KIF26B: variants seen among roughly 807,000 people sequenced by gnomAD.
KIF26B encodes the protein kinesin-like protein KIF26B.
KIF26B carries 63 observed loss-of-function variants against 151.2 expected under a neutral mutation model. That is an observed-to-expected ratio of 0.42 (90% CI 0.34 to 0.51). The LOEUF (loss-of-function observed/expected upper bound fraction) is 0.51, where lower values mean the gene tolerates loss of function less well. Among genes scored for constraint, KIF26B ranks in the 20% least tolerant of loss-of-function variants. KIF26B has a pLI of 0.07. For missense variants in KIF26B, 2,813 were observed against 2,913.6 expected (o/e 0.97, Z 0.79); for synonymous variants, 1,357 against 1,262.1 (o/e 1.08, Z -1.59).
At chr1:245,621,714 C>G (rs368277158) in intron 9 of KIF26B, among the ~76,000 whole-genome samples, 1 of 152,186 alleles carries the variant, frequency 6.6e-6, no homozygotes, top group African/African-American at 2.4e-5. Flanking sequence ...CCCCAGCCGC[C>G]GGAAGTGATG....
At chr1:245,543,269 G>C (rs1475357748) in intron 5 of KIF26B, among the ~76,000 whole-genome samples, 1 of 152,136 alleles carries the variant, frequency 6.6e-6, no homozygotes. Flanking sequence ...CACAAAAATA[G>C]TTTAGAGGGC....
intron 2 of KIF26B, among the ~76,000 whole-genome samples, chr1:245,205,511 A>AGAT (rs1375747507): frequency 1.3e-5 from 2 of 152,156 alleles, no homozygotes; most frequent in African/African-American, 4.8e-5. Context: ...ACCATAAGAA[A>AGAT]GATGTGGTTG....
intron 5 of KIF26B, among the ~76,000 whole-genome samples, chr1:245,562,742 C>T (rs757800095): frequency 6.6e-6 from 1 of 152,150 alleles, no homozygotes; most frequent in African/African-American, 2.4e-5. Flanking sequence ...TCTCATTGCT[C>T]TGTCACCCAG....
chr1:245,544,060 G>A, intron 5 of KIF26B, among the ~76,000 whole-genome samples: 1 of 152,086 alleles, frequency 6.6e-6, no homozygotes, highest in East Asian at 1.9e-4. Context: ...CCTACCATAT[G>A]GTGCCAAACT....
chr1:245,495,825 G>GA lies in KIF26B; in HGVS notation c.1167-44935dup, dbSNP rs1660502747. On this transcript the variant is annotated intron_variant, in intron 4 of 14. Coordinates refer to ENST00000407071, the MANE Select transcript of KIF26B (RefSeq NM_018012.4). This position sits in a 1 kb window ranked among gnomAD's most constrained non-coding sequence, Gnocchi z 4.2. ...AGGAGAAAAATGATTAAAGCCGTGA[G>GA]AAAAAAATTCATTATTTTTAAAGGA... Among the ~76,000 whole-genome samples, 2 of 152,040 alleles carry GA rather than the reference G, an allele frequency of 1.3e-5. No individual in the cohort carries two copies. The highest frequency in any genetic ancestry group is 2.9e-5 in the Non-Finnish European group (2 of 67,994).
rs1171070444 is a variant in KIF26B at position 245,687,164 on chromosome 1, A to G, written c.4181A>G (p.Tyr1394Cys). The change falls in exon 12 of 15, where the codon TAC becomes TGC. Residue 1394 changes from tyrosine (Y) to cysteine (C), a missense_variant. By Grantham distance (194) the Tyr-to-Cys change is radical. Around this residue, in one of 3 missense-constraint regions of KIF26B, gnomAD observed 2,060 missense variants for 2,088.6 expected, o/e 0.99. Coordinates refer to ENST00000407071, the MANE Select transcript of KIF26B (RefSeq NM_018012.4). This position sits in a 1 kb window ranked among gnomAD's most constrained non-coding sequence, Gnocchi z 4.9. ...CCCATGAAGACCAATATCACAGTTTACCCCTGCATTGCCATGAGCCCCCGG... is the reference window on the plus strand; with the variant it reads ...CCCATGAAGACCAATATCACAGTTTGCCCCTGCATTGCCATGAGCCCCCGG... ...YIPMKTNITV[Y>C]PCIAMSPRNI... is the part of the protein sequence containing the mutation. 6.2e-7 allele frequency: 1 copy of G among 1,612,774 alleles called. No individual in the cohort carries two copies. Among genetic ancestry groups the G allele is most frequent in the Admixed American group, 1.7e-5 (1 of 59,946 alleles).
Position 245,398,099 on chromosome 1 carries a change from C to T in KIF26B, c.1000-21480C>T, listed in dbSNP as rs191455832. 2.7e-3 allele frequency among the ~76,000 whole-genome samples: 411 copies of T among 152,262 alleles called. 4 individuals carry two copies. Among genetic ancestry groups the T allele is most frequent in the African/African-American group, 8.7e-3 (360 of 41,556 alleles). On this transcript the variant is annotated intron_variant, in intron 3 of 14. Transcript: ENST00000407071. The stretch of plus-strand genomic sequence containing the variant: ...TGAATACCCTGAAAAATACTACTCC[C>T]TCGGGAGAGAAGGTGGATTTGTTGA...
In KIF26B at chr1:245,361,350, A is replaced by G. The variant is rs143894643; in HGVS notation, c.466-5484A>G. Among the ~76,000 whole-genome samples the G allele has an allele frequency of 1.9e-3, 293 of 152,366 alleles. 2 individuals carry two copies. Among genetic ancestry groups the G allele is most frequent in the African/African-American group, 6.5e-3 (272 of 41,592 alleles). On this transcript the variant is annotated intron_variant, in intron 2 of 14. Coordinates refer to ENST00000407071, the MANE Select transcript of KIF26B (RefSeq NM_018012.4). ...CCCAGGGTAATTTGGTTTCTTATGT[A>G]GAAAAACTGCGGTCTGACATTTAAC...
At chr1:245,496,698 G>A (rs532388099) in intron 4 of KIF26B, among the ~76,000 whole-genome samples, 3 of 152,232 alleles carry the variant, frequency 2.0e-5, no homozygotes, top group Admixed American at 6.5e-5. Flanking sequence ...AAGTATATCC[G>A]TAATTGAGTT....
chr1:245,453,275 A>C (rs1359395157), intron 4 of KIF26B, among the ~76,000 whole-genome samples: 1 of 152,206 alleles, frequency 6.6e-6, no homozygotes, highest in Non-Finnish European at 1.5e-5. Flanking sequence ...TTCAAGCAGC[A>C]TTATTAAGAG....
At chr1:245,604,173 TG>T (rs1439711567) in intron 6 of KIF26B, among the ~76,000 whole-genome samples, 1 of 152,218 alleles carries the variant, frequency 6.6e-6, no homozygotes, top group Non-Finnish European at 1.5e-5. Flanking sequence ...TGCATCTTTC[TG>T]GTAAGTTTCT....
In KIF26B at chr1:245,239,011, A is replaced by G. The variant is rs1193213696; in HGVS notation, c.465+82328A>G. On this transcript the variant is annotated intron_variant, in intron 2 of 14. Coordinates refer to ENST00000407071, the MANE Select transcript of KIF26B (RefSeq NM_018012.4). This position sits in a 1 kb window ranked among gnomAD's most constrained non-coding sequence, Gnocchi z 4.3. ...GACCCGACTTTGAGGAGCTCTTGATATGGAGACGTGGTTTCTTACGTCTAA... is the reference window on the plus strand; with the variant it reads ...GACCCGACTTTGAGGAGCTCTTGATGTGGAGACGTGGTTTCTTACGTCTAA... Among the ~76,000 whole-genome samples, 1 of 152,196 alleles carries G rather than the reference A, an allele frequency of 6.6e-6. No homozygotes were observed. The highest frequency in any genetic ancestry group is 1.5e-5 in the Non-Finnish European group (1 of 68,032).
At chr1:245,479,251 A>T (rs886461663) in intron 4 of KIF26B, among the ~76,000 whole-genome samples, 2 of 151,868 alleles carry the variant, frequency 1.3e-5, no homozygotes, top group African/African-American at 4.8e-5. Flanking sequence ...GTTGACAGAG[A>T]GTAATAATCT....
intron 2 of KIF26B, among the ~76,000 whole-genome samples, chr1:245,233,118 A>G (rs189703111): frequency 6.6e-6 from 1 of 152,232 alleles, no homozygotes; most frequent in Non-Finnish European, 1.5e-5. Context: ...GCAAGCGTTC[A>G]TTAGTCACTG....
At chr1:245,568,245 G>A (rs978319453) in intron 5 of KIF26B, among the ~76,000 whole-genome samples, 9 of 146,166 alleles carry the variant, frequency 6.2e-5, no homozygotes, top group Admixed American at 4.2e-4. Flanking sequence ...GCCAGGCACC[G>A]TGGCTCATAC....
At chr1:245,265,107 CAGG>C (rs1670720117) in intron 2 of KIF26B, among the ~76,000 whole-genome samples, 1 of 144,044 alleles carries the variant, frequency 6.9e-6, no homozygotes, top group South Asian at 2.2e-4. Flanking sequence ...GAGGCTGAGG[CAGG>C]AGAATGGTGT....
chr1:245,578,219 G>GTCTGTTC (rs2043144185), intron 5 of KIF26B, among the ~76,000 whole-genome samples: 1 of 152,226 alleles, frequency 6.6e-6, no homozygotes, highest in South Asian at 2.1e-4. Flanking sequence ...AACAGAAGAG[G>GTCTGTTC]CGGAGGAATG....
In KIF26B at chr1:245,684,318, G is replaced by A; in HGVS notation, c.2344G>A (p.Val782Ile). ...TTMIAHISAA[V>I]GSYAETLSTI... ...CATGATCGCGCACATCTCGGCCGCG[G>A]TCGGGAGCTACGCGGAGACCCTGTC... Residue 782 changes from valine (V) to isoleucine (I), a missense_variant, in exon 11 of 15, where the codon GTC becomes ATC. Transcript: ENST00000407071. 1.9e-6 allele frequency: 3 copies of A among 1,613,990 alleles called. No individual in the cohort carries two copies. The highest frequency in any genetic ancestry group is 1.1e-5 in the South Asian group (1 of 91,080).
At chr1:245,159,028 A>G (rs1668492950) in intron 2 of KIF26B, among the ~76,000 whole-genome samples, 2 of 152,222 alleles carry the variant, frequency 1.3e-5, no homozygotes, top group South Asian at 4.1e-4. Flanking sequence ...CCGGAGCAAT[A>G]TTAATGAACA....
Sources: allele counts gnomAD v4.1 joint callset (sites outside exome capture counted in the v4.1 genomes callset), GRCh38; gene constraint gnomAD v4.1.1; regional missense constraint gnomAD v4.1.1; non-coding constraint Gnocchi (gnomAD v3.1); transcripts MANE v1.5; gene names NCBI Gene and HGNC (gene_info 2026-07-23, HGNC 2026-07-21).